Variants in FLRT2 observed in about 807,000 individuals in gnomAD.
FLRT2 encodes fibronectin leucine rich transmembrane protein 2.
FLRT2 carries 15 observed loss-of-function variants against 40.0 expected under a neutral mutation model. The ratio of observed to expected loss-of-function variants is 0.38; its 90% CI spans 0.25 to 0.58. FLRT2 has a LOEUF of 0.58. FLRT2 is among the 20% of genes least tolerant of loss of function. The pLI is 0.71. For synonymous variants in FLRT2, 380 were observed against 336.8 expected, an observed-to-expected ratio of 1.13 and a Z score of -1.41; for missense variants, 726 against 840.0, an observed-to-expected ratio of 0.86 and a Z score of 1.68.
chr14:85,544,831 C>A (rs114845315), intron 1 of FLRT2, among the ~76,000 whole-genome samples: 2,172 of 152,278 alleles, frequency 0.014, 52 homozygotes, highest in African/African-American at 0.049. Context: ...AGTTGACTTG[C>A]ATGCAAGTGG....
At chr14:85,598,415 T>C (rs1389030305) in intron 1 of FLRT2, among the ~76,000 whole-genome samples, 1 of 152,194 alleles carries the variant, frequency 6.6e-6, no homozygotes, top group Non-Finnish European at 1.5e-5. Flanking sequence ...ATAAAGCCAT[T>C]ATACGGGAAT....
chr14:85,553,794 A>G (rs1889789326), intron 1 of FLRT2, among the ~76,000 whole-genome samples: 2 of 152,174 alleles, frequency 1.3e-5, no homozygotes, highest in African/African-American at 2.4e-5. Context: ...TTCATTCTGC[A>G]TTGTCACTTT....
rs1052273292 is a variant in FLRT2, at chr14:85,645,617, G to A, written c.*22120G>A. ...ACGTGTTAAGGATTGTTCATAAGTG[G>A]CAGAACCTATGAGAATATTCATGCC... On this transcript the variant is annotated 3_prime_UTR_variant, in exon 2 of 2. Coordinates refer to ENST00000330753, the MANE Select transcript of FLRT2 (RefSeq NM_013231.6). The A allele has an allele frequency of 6.6e-6, 1 of 152,112 alleles. No homozygotes were observed. The highest frequency in any genetic ancestry group is 2.1e-4 in the South Asian group (1 of 4,832). The allele number at this position is 152,112 out of a possible 1,614,324, so 9.4% of individuals were successfully genotyped here.
chr14:85,587,331 A>T (rs1891668235), intron 1 of FLRT2, among the ~76,000 whole-genome samples: 1 of 151,396 alleles, frequency 6.6e-6, no homozygotes, highest in South Asian at 2.1e-4. Flanking sequence ...CATCTTGATC[A>T]TTGTAATTGG....
chr14:85,601,457 G>T (rs1002860724), intron 1 of FLRT2, among the ~76,000 whole-genome samples: 2 of 152,198 alleles, frequency 1.3e-5, no homozygotes, highest in Non-Finnish European at 2.9e-5. Context: ...CAGGCCTCTG[G>T]ATAATGGAAG....
chr14:85,612,554 T>A (rs1362380900), intron 1 of FLRT2, among the ~76,000 whole-genome samples: 2 of 152,052 alleles, frequency 1.3e-5, no homozygotes, highest in East Asian at 3.9e-4. Flanking sequence ...TTGGGGTGGG[T>A]TGGGGGGAAA....
rs4904263 is a variant in FLRT2 at position 85,611,853 on chromosome 14, A to G, written c.-376-9286A>G. Among the ~76,000 whole-genome samples, 528 of 151,932 alleles carry G rather than the reference A, an allele frequency of 3.5e-3. 10 individuals carry two copies. Among genetic ancestry groups the G allele is most frequent in the Admixed American group, 0.029 (437 of 15,264 alleles). On this transcript the variant is annotated intron_variant, in intron 1 of 1. Coordinates refer to ENST00000330753, the MANE Select transcript of FLRT2 (RefSeq NM_013231.6). ...AAAACATCACATGGTTGAGTCAAGG[A>G]TGAAAAGTCAAAACTACCTTTTCAT...
rs375543804 is a variant in FLRT2, at chr14:85,621,457, AT to A, written c.-48del. The A allele has an allele frequency of 8.8e-4, 1,207 of 1,364,336 alleles. 1 individual carries two copies. Among genetic ancestry groups the A allele is most frequent in the African/African-American group, 3.5e-3 (163 of 45,986 alleles). The allele number at this position is 1,364,336 out of a possible 1,614,324, so 84.5% of individuals were successfully genotyped here. A position where few individuals can be genotyped will look rare whatever the true frequency, so the allele number is the denominator to read the frequency against. ...TCCAGTCATTTTGATTTTGCTGTTT[AT>A]TTTTTTTTTCTTTTTCTTTTTCCCA... On this transcript the variant is annotated 5_prime_UTR_variant, in exon 2 of 2. Coordinates refer to ENST00000330753, the MANE Select transcript of FLRT2 (RefSeq NM_013231.6).
At chr14:85,567,109 TG>T (rs1274142516) in intron 1 of FLRT2, among the ~76,000 whole-genome samples, 1 of 152,128 alleles carries the variant, frequency 6.6e-6, no homozygotes, top group Non-Finnish European at 1.5e-5. Context: ...TCAGAGGGGC[TG>T]GGTTTGGGGG....
intron 1 of FLRT2, among the ~76,000 whole-genome samples, chr14:85,538,299 A>G (rs1267495795): frequency 6.6e-6 from 1 of 152,170 alleles, no homozygotes; most frequent in Non-Finnish European, 1.5e-5. Context: ...GGACACGTTG[A>G]TGATTCTCAA....
chr14:85,614,962 A>G (rs773166546), intron 1 of FLRT2, among the ~76,000 whole-genome samples: 10 of 152,304 alleles, frequency 6.6e-5, no homozygotes, highest in Non-Finnish European at 1.2e-4. Flanking sequence ...ATACTTTTAT[A>G]TCTTATTAGT....
intron 1 of FLRT2, among the ~76,000 whole-genome samples, chr14:85,615,296 A>AC (rs1893073065): frequency 6.6e-6 from 1 of 152,098 alleles, no homozygotes; most frequent in Non-Finnish European, 1.5e-5. Context: ...TTCTCAAGTT[A>AC]CCCCCATTAC....
intron 1 of FLRT2, among the ~76,000 whole-genome samples, chr14:85,613,292 T>C (rs1892978389): frequency 6.6e-6 from 1 of 152,196 alleles, no homozygotes; most frequent in Non-Finnish European, 1.5e-5. Context: ...GTTATGTTTC[T>C]GAGTGACCCT....
rs1595108001 is a variant in FLRT2 at position 85,634,757 on chromosome 14, T to G, written c.*11260T>G. 6.6e-6 allele frequency: 1 copy of G among 152,288 alleles called. No homozygotes were observed. Among genetic ancestry groups the G allele is most frequent in the African/African-American group, 2.4e-5 (1 of 41,566 alleles). The allele number at this position is 152,288 out of a possible 1,614,324, so 9.4% of individuals were successfully genotyped here. On this transcript the variant is annotated 3_prime_UTR_variant, in exon 2 of 2. Coordinates refer to ENST00000330753, the MANE Select transcript of FLRT2 (RefSeq NM_013231.6). ...TGCCTGACACATATAAAGTGCTCAA[T>G]AAATGCCAGCTACTTTCTGAAAATA...
chr14:85,541,812 C>G (rs1022721566), intron 1 of FLRT2, among the ~76,000 whole-genome samples: 1 of 152,144 alleles, frequency 6.6e-6, no homozygotes, highest in African/African-American at 2.4e-5. Flanking sequence ...ATACCCACCC[C>G]CATGCCTTCT....
intron 1 of FLRT2, among the ~76,000 whole-genome samples, chr14:85,616,893 A>C (rs1893161133): frequency 6.6e-6 from 1 of 152,226 alleles, no homozygotes; most frequent in Non-Finnish European, 1.5e-5. Context: ...ATGAATGGAA[A>C]GTATATTACA....
At chr14:85,558,286 G>A (rs559876378) in intron 1 of FLRT2, among the ~76,000 whole-genome samples, 1 of 151,950 alleles carries the variant, frequency 6.6e-6, no homozygotes, top group East Asian at 1.9e-4. Flanking sequence ...GGCTTTTCAG[G>A]AATTTTTTTT....
In FLRT2 at chr14:85,621,596, T is replaced by G. The variant is rs777211965; in HGVS notation, c.82T>G (p.Ser28Ala). ...SWLIISLGLYSQVSKLLACPS... is the reference protein window; with the variant it reads ...SWLIISLGLYAQVSKLLACPS... Reference sequence around the variant, plus strand: ...GCTTATCATTTCCCTGGGGCTCTACTCACAGGTGTCCAAACTCCTGGCCTG... The same window carrying G: ...GCTTATCATTTCCCTGGGGCTCTACGCACAGGTGTCCAAACTCCTGGCCTG... The change falls in exon 2 of 2, where the codon TCA becomes GCA. Residue 28 changes from serine (S) to alanine (A), a missense_variant. Ser to Ala is a moderately conservative substitution (Grantham distance 99). Around this residue, in one of 3 missense-constraint regions of FLRT2, gnomAD observed 106 missense variants for 121.2 expected, o/e 0.87. Coordinates refer to ENST00000330753, the MANE Select transcript of FLRT2 (RefSeq NM_013231.6). 61 of 1,614,048 alleles carry G rather than the reference T, an allele frequency of 3.8e-5. No homozygotes were observed. The highest frequency in any genetic ancestry group is 4.9e-5 in the Non-Finnish European group (58 of 1,180,046).
chr14:85,568,389 T>C (rs1890729765), intron 1 of FLRT2, among the ~76,000 whole-genome samples: 2 of 152,152 alleles, frequency 1.3e-5, no homozygotes, highest in South Asian at 4.1e-4. Context: ...AATCATAAAA[T>C]GATTGGACAG....
Sources: gnomAD v4.1 joint callset for allele counts (sites outside exome capture counted in the v4.1 genomes callset) on GRCh38, gnomAD v4.1.1 for gene constraint, gnomAD v4.1.1 regional missense constraint, MANE v1.5 for transcripts, NCBI Gene and HGNC (gene_info 2026-07-23, HGNC 2026-07-21) for gene names.